ABCD2: variants seen among roughly 807,000 people sequenced by gnomAD.
ABCD2 encodes ATP-binding cassette sub-family D member 2.
Under a neutral mutation model 70.9 loss-of-function variants are expected in ABCD2, and 36 were observed. The observed-to-expected ratio is 0.51, with a 90% CI of 0.39 to 0.67. ABCD2 has a LOEUF of 0.67. ABCD2 is among the 30% of genes least tolerant of loss of function. ABCD2 has a pLI of 0.00. For synonymous variants in ABCD2, 304 were observed against 306.9 expected, an observed-to-expected ratio of 0.99 and a Z score of 0.10; for missense variants, 729 against 890.2, an observed-to-expected ratio of 0.82 and a Z score of 2.30.
intron 6 of ABCD2, among the ~76,000 whole-genome samples, chr12:39,594,502 A>G (rs977512121): frequency 2.6e-5 from 4 of 152,238 alleles, no homozygotes; most frequent in African/African-American, 9.6e-5. Flanking sequence ...GATAAAATCA[A>G]TTTTAATGCA....
chr12:39,569,890 T>A (rs542756010), intron 9 of ABCD2, among the ~76,000 whole-genome samples: 1 of 152,270 alleles, frequency 6.6e-6, no homozygotes, highest in South Asian at 2.1e-4. Flanking sequence ...TCAGGAAAGT[T>A]GCAAGATACA....
chr12:39,613,067 G>A (rs1942065683), intron 2 of ABCD2, among the ~76,000 whole-genome samples: 1 of 152,314 alleles, frequency 6.6e-6, no homozygotes, highest in East Asian at 1.9e-4. Flanking sequence ...ATCAAGAGAA[G>A]AAAGGCAGCC....
At chr12:39,571,514 T>C (rs1255282308) in intron 9 of ABCD2, among the ~76,000 whole-genome samples, 1 of 152,148 alleles carries the variant, frequency 6.6e-6, no homozygotes, top group African/African-American at 2.4e-5. Context: ...GTCATTCATA[T>C]ATTGGGCAAA....
chr12:39,567,952 C>A (rs910600916), intron 9 of ABCD2, among the ~76,000 whole-genome samples: 11 of 151,630 alleles, frequency 7.3e-5, no homozygotes, highest in African/African-American at 2.2e-4. Flanking sequence ...TGAATATTGG[C>A]CCCCACTCTC....
rs181210390 is a variant in ABCD2, at chr12:39,579,608, C to G, written c.1804G>C (p.Val602Leu). ...GACAGGACATCTTTCCAGTCCATAACAGCATCCCATCCTTAAGAAAATAAA... is the reference window on the plus strand; with the variant it reads ...GACAGGACATCTTTCCAGTCCATAAGAGCATCCCATCCTTAAGAAAATAAA... Reference protein sequence around the residue: ...IVQREGGWDAVMDWKDVLSGG... With the variant: ...IVQREGGWDALMDWKDVLSGG... Residue 602 changes from valine to leucine, a missense_variant, in exon 8 of 10, where the codon GTT (valine) becomes CTT (leucine). Val to Leu is a conservative substitution (Grantham distance 32). Transcript: ENST00000308666. 8.1e-6 allele frequency: 13 copies of G among 1,609,150 alleles called. No homozygotes were observed. The East Asian group carries it at 2.5e-4, about 30-fold the overall frequency.
At chr12:39,568,308 G>T (rs1222487680) in intron 9 of ABCD2, among the ~76,000 whole-genome samples, 1 of 152,156 alleles carries the variant, frequency 6.6e-6, no homozygotes, top group Admixed American at 6.5e-5. Context: ...CATATTTCTT[G>T]GAGGCTTTGT....
Position 39,568,627 on chromosome 12 carries a change from C to T in ABCD2, c.2003+5089G>A, listed in dbSNP as rs552371171. ...CATCTGAAGCCTTCTTCTCTGAACT[C>T]GTCAAAGTCATTTTCCATCCAGCTT... On this transcript the variant is annotated intron_variant, in intron 9 of 9. Coordinates refer to ENST00000308666, the MANE Select transcript of ABCD2 (RefSeq NM_005164.4). 3.9e-5 allele frequency among the ~76,000 whole-genome samples: 6 copies of T among 152,280 alleles called. No homozygotes were observed. In the South Asian group the frequency reaches 6.2e-4, roughly 16 times the overall value.
chr12:39,564,443 G>C (rs1409617358), intron 9 of ABCD2, among the ~76,000 whole-genome samples: 1 of 152,134 alleles, frequency 6.6e-6, no homozygotes, highest in Non-Finnish European at 1.5e-5. Flanking sequence ...AGAAGTGTCT[G>C]TTCATATCCT....
chr12:39,537,685 C>G, the ABCD2 span, among the ~76,000 whole-genome samples: 4 of 152,172 alleles, frequency 2.6e-5, no homozygotes, highest in African/African-American at 9.7e-5. Context: ...CACTTATGTA[C>G]ATTTTTCATT....
rs1468839218 is a variant in ABCD2 at position 39,589,418 on chromosome 12, G to A, written c.1647-3121C>T. Among the ~76,000 whole-genome samples the A allele has an allele frequency of 1.7e-4, 23 of 131,488 alleles. No homozygotes were observed. In the East Asian group the frequency reaches 4.1e-3, roughly 24 times the overall value. The allele number at this position is 131,488 out of a possible 152,430, so 86.3% of individuals were successfully genotyped here. Reference sequence around the variant, plus strand: ...TTTTTTTTTTTTGAGACGGAGTCTCGCTTTGTCGCCCAGGCTGGAGTGCAG... The same window carrying A: ...TTTTTTTTTTTTGAGACGGAGTCTCACTTTGTCGCCCAGGCTGGAGTGCAG... On this transcript the variant is annotated intron_variant, in intron 6 of 9. Transcript: ENST00000308666.
chr12:39,579,362 A>C (rs1270537745), intron 8 of ABCD2, among the ~76,000 whole-genome samples, 173 bp downstream of exon 8: 2 of 152,242 alleles, frequency 1.3e-5, no homozygotes, highest in African/African-American at 4.8e-5. Context: ...ACTCTGTCTC[A>C]AAAACAAACA....
At position 39,553,978 on chromosome 12, in the gene ABCD2, T is replaced by C; in HGVS notation, c.2157A>G (p.Glu719=). ...AGTCTTCTCCCAAAATTTTACATAG[T>C]TCATTGAGTCTCTGCTGCATTTTGG... The part of the protein sequence containing the change: ...GIPKMQQRLN[E]LCKILGEDSV... Residue 719 remains glutamate, a synonymous_variant, in exon 10 of 10, where the codon GAA becomes GAG. Transcript: ENST00000308666. 6.2e-7 allele frequency: 1 copy of C among 1,613,354 alleles called. No individual in the cohort carries two copies. Among genetic ancestry groups the C allele is most frequent in the Non-Finnish European group, 8.5e-7 (1 of 1,179,816 alleles).
At chr12:39,554,696 C>A (rs985932610) in intron 9 of ABCD2, among the ~76,000 whole-genome samples, 3 of 152,108 alleles carry the variant, frequency 2.0e-5, no homozygotes, top group African/African-American at 7.2e-5. Flanking sequence ...TAATCTCTTT[C>A]TTATGGCTCA....
At chr12:39,618,546 G>C (rs1267887250) in intron 1 of ABCD2, 131 bp downstream of exon 1, 2 of 764,300 alleles carry the variant, frequency 2.6e-6, no homozygotes, top group Admixed American at 2.8e-5. Flanking sequence ...TTTTAATTCA[G>C]GTTTAGATGT....
At chr12:39,556,940 A>G (rs1314898333) in intron 9 of ABCD2, among the ~76,000 whole-genome samples, 3 of 150,890 alleles carry the variant, frequency 2.0e-5, no homozygotes, top group Admixed American at 6.6e-5. Context: ...CCAAGATCAC[A>G]CCACTGCACT....
chr12:39,573,880 T>C (rs1941481614), intron 8 of ABCD2, 39 bp from the exon 9 acceptor site: 1 of 1,585,086 alleles, frequency 6.3e-7, no homozygotes, highest in Admixed American at 1.7e-5. Flanking sequence ...TATTTTGCTA[T>C]ATGAACTATA....
chr12:39,566,047 A>T (rs1591970839), intron 9 of ABCD2, among the ~76,000 whole-genome samples: 1 of 151,924 alleles, frequency 6.6e-6, no homozygotes, highest in Non-Finnish European at 1.5e-5. Context: ...TTTATTGAGG[A>T]TTTTTGCATC....
At chr12:39,556,578 G>A (rs1020769620) in intron 9 of ABCD2, among the ~76,000 whole-genome samples, 2 of 152,164 alleles carry the variant, frequency 1.3e-5, no homozygotes, top group African/African-American at 4.8e-5. Flanking sequence ...ATGCTGAACT[G>A]TGAGTCAATT....
intron 9 of ABCD2, among the ~76,000 whole-genome samples, chr12:39,560,794 C>T (rs1456682740): frequency 6.6e-6 from 1 of 151,962 alleles, no homozygotes; most frequent in Non-Finnish European, 1.5e-5. Context: ...TTATAAGCCT[C>T]ATGGTAACCA....
Sources: allele counts gnomAD v4.1 joint callset (sites outside exome capture counted in the v4.1 genomes callset), GRCh38; gene constraint gnomAD v4.1.1; transcripts MANE v1.5; gene names NCBI Gene and HGNC (gene_info 2026-07-23, HGNC 2026-07-21).